Variants in DLC1 observed in about 807,000 individuals in gnomAD.
DLC1 encodes rho GTPase-activating protein 7.
DLC1 carries 54 observed loss-of-function variants against 140.3 expected under a neutral mutation model. The observed-to-expected ratio is 0.38, with a 90% CI of 0.31 to 0.48. The LOEUF (loss-of-function observed/expected upper bound fraction) is 0.48, where lower values mean the gene tolerates loss of function less well. Among genes scored for constraint, DLC1 ranks in the 20% least tolerant of loss-of-function variants. The pLI is 0.96. For missense variants in DLC1, 2,536 were observed against 1,907.0 expected, an observed-to-expected ratio of 1.33 and a Z score of -6.14; for synonymous variants, 986 against 728.1, an observed-to-expected ratio of 1.35 and a Z score of -5.70.
intron 2 of DLC1, among the ~76,000 whole-genome samples, chr8:13,403,877 T>G (rs1225951894): frequency 1.3e-5 from 2 of 148,534 alleles, no homozygotes; most frequent in African/African-American, 5.0e-5. Context: ...CAGGCTGGTC[T>G]CAAACTCCTG....
At chr8:13,515,254 A>G (rs1007326868), upstream of DLC1, among the ~76,000 whole-genome samples, 1 of 152,196 alleles carries the variant, frequency 6.6e-6, no homozygotes, top group Admixed American at 6.5e-5. Context: ...CCTTAATACC[A>G]TAATTCTTCT....
intron 4 of DLC1, among the ~76,000 whole-genome samples, chr8:13,321,748 T>C (rs1833134656): frequency 6.6e-6 from 1 of 152,092 alleles, no homozygotes; most frequent in South Asian, 2.1e-4. Context: ...TTTCTATCAT[T>C]TTGTAAAATG....
Position 13,499,697 on chromosome 8 carries a change from T to A in DLC1, c.375A>T (p.Lys125Asn). The part of the protein sequence containing the change: ...NNADLCLTDD[K>N]QVLNTQGQKT... Reference sequence around the variant, plus strand: ...TCTGCCCTTGGGTATTTAAAACCTGTTTATCATCTGTAAGGCATAAATCAG... The same window carrying A: ...TCTGCCCTTGGGTATTTAAAACCTGATTATCATCTGTAAGGCATAAATCAG... Residue 125 changes from lysine (K) to asparagine (N), a missense_variant, in exon 2 of 18, where the codon AAA becomes AAT. Transcript: ENST00000276297. The A allele has an allele frequency of 1.2e-6, 2 of 1,614,156 alleles. No homozygotes were observed. Among genetic ancestry groups the A allele is most frequent in the Non-Finnish European group, 1.7e-6 (2 of 1,180,012 alleles).
At chr8:13,191,501 A>G (rs563673478) in intron 5 of DLC1, among the ~76,000 whole-genome samples, 1 of 152,394 alleles carries the variant, frequency 6.6e-6, no homozygotes, top group African/African-American at 2.4e-5. Context: ...AAAAACAACA[A>G]CAACAACAAA....
At chr8:13,297,981 A>G (rs1237398903) in intron 5 of DLC1, among the ~76,000 whole-genome samples, 6 of 152,114 alleles carry the variant, frequency 3.9e-5, no homozygotes, top group Non-Finnish European at 8.8e-5. Flanking sequence ...GTTATTTAGT[A>G]TGTTTACAAG....
intron 3 of DLC1, among the ~76,000 whole-genome samples, chr8:13,396,305 C>T (rs918584337): frequency 2.0e-5 from 3 of 152,040 alleles, no homozygotes; most frequent in African/African-American, 4.8e-5. Flanking sequence ...GTGATCCGTC[C>T]GTCTCAGCCT....
At chr8:13,191,535 G>A (rs923455723) in intron 5 of DLC1, among the ~76,000 whole-genome samples, 1 of 152,200 alleles carries the variant, frequency 6.6e-6, no homozygotes, top group African/African-American at 2.4e-5. Flanking sequence ...GAACAGTAAG[G>A]AGGAGAAAGT....
In DLC1 at chr8:13,102,874, G is replaced by A. The variant is rs116544823; in HGVS notation, c.1503-21C>T. The A allele has an allele frequency of 9.1e-4, 1,458 of 1,609,450 alleles. 10 individuals carry two copies. The African/African-American group carries it at 0.014, about 16-fold the overall frequency. On this transcript the variant is annotated intron_variant, in intron 7 of 17. Transcript: ENST00000276297. ...GACGCCTATAGAGCAAAGAAATAAC[G>A]TTAGCAAAGATAGGCAACCACTCTC...
chr8:13,307,408 C>A (rs993320339), intron 4 of DLC1, among the ~76,000 whole-genome samples: 1 of 152,158 alleles, frequency 6.6e-6, no homozygotes, highest in Non-Finnish European at 1.5e-5. Flanking sequence ...TAGAGGAAAG[C>A]AATTTCCTTC....
At chr8:13,318,646 A>C (rs920806546) in intron 4 of DLC1, among the ~76,000 whole-genome samples, 4 of 152,266 alleles carry the variant, frequency 2.6e-5, no homozygotes, top group African/African-American at 9.6e-5. Context: ...GTAACAAACA[A>C]ACAAAACACC....
chr8:13,097,464 A>C (rs1031553648), intron 10 of DLC1, among the ~76,000 whole-genome samples: 3 of 151,972 alleles, frequency 2.0e-5, no homozygotes, highest in African/African-American at 7.3e-5. Context: ...GGGTTTCGCC[A>C]TGTTGGCCAG....
intron 4 of DLC1, among the ~76,000 whole-genome samples, chr8:13,348,115 A>AAACG (rs1341841290): frequency 6.6e-6 from 1 of 151,888 alleles, no homozygotes; most frequent in Non-Finnish European, 1.5e-5. Flanking sequence ...ACAAATAAAC[A>AAACG]AACAAACTTC....
At chr8:13,322,495 C>CGT (rs1833164686) in intron 4 of DLC1, among the ~76,000 whole-genome samples, 1 of 151,828 alleles carries the variant, frequency 6.6e-6, no homozygotes, top group Non-Finnish European at 1.5e-5. Flanking sequence ...GACATTATAA[C>CGT]ATAATTCAAC....
chr8:13,584,937 A>G lies in DLC1; in HGVS notation c.-126+19600T>C, dbSNP rs552979900. On this transcript the variant is annotated intron_variant, in intron 1 of 1. Coordinates refer to the DLC1 transcript ENST00000631382. The stretch of plus-strand genomic sequence containing the variant: ...TCTTAATAAATCTCTTACACCTCTA[A>G]TCCCATTTTAGCTTCTGCATTTTGG... Among the ~76,000 whole-genome samples the G allele has an allele frequency of 5.9e-5, 9 of 152,166 alleles. No individual in the cohort carries two copies. The East Asian group carries it at 1.5e-3, about 26-fold the overall frequency.
chr8:13,214,872 G>C (rs1319482671), intron 5 of DLC1: 2 of 709,024 alleles, frequency 2.8e-6, no homozygotes. Context: ...CTCATGACAG[G>C]GCTTTTGTAA....
intron 4 of DLC1, among the ~76,000 whole-genome samples, chr8:13,337,245 C>T (rs1343495878): frequency 6.6e-6 from 1 of 152,138 alleles, no homozygotes; most frequent in Non-Finnish European, 1.5e-5. Context: ...TTCCATAACA[C>T]ACATTAGATT....
intron 5 of DLC1, among the ~76,000 whole-genome samples, chr8:13,211,403 C>T (rs1016832210): frequency 6.6e-6 from 1 of 152,066 alleles, no homozygotes; most frequent in African/African-American, 2.4e-5. Flanking sequence ...TATGGAACAC[C>T]GTTTTGCTGT....
At chr8:13,132,833 G>C in intron 5 of DLC1, 4 of 1,332,764 alleles carry the variant, frequency 3.0e-6, no homozygotes, top group East Asian at 2.5e-5. Context: ...CGTTTAAAGA[G>C]CACAGAACAG....
Position 13,289,947 on chromosome 8 carries a change from A to G in DLC1, c.1348+15322T>C, listed in dbSNP as rs193233371. Reference sequence around the variant, plus strand: ...GCTAATGGCAAATATGTGCAACCATATGACACTTAGGGTATCTTTTAGTAT... The same window carrying G: ...GCTAATGGCAAATATGTGCAACCATGTGACACTTAGGGTATCTTTTAGTAT... On this transcript the variant is annotated intron_variant, in intron 5 of 17. Coordinates refer to ENST00000276297, the MANE Select transcript of DLC1 (RefSeq NM_182643.3). Among the ~76,000 whole-genome samples the G allele has an allele frequency of 2.8e-3, 421 of 152,302 alleles. 2 individuals are homozygous for G. Among genetic ancestry groups the G allele is most frequent in the African/African-American group, 9.8e-3 (406 of 41,568 alleles).
Sources: gnomAD v4.1 joint callset for allele counts (sites outside exome capture counted in the v4.1 genomes callset) on GRCh38, gnomAD v4.1.1 for gene constraint, MANE v1.5 for transcripts, NCBI Gene and HGNC (gene_info 2026-07-23, HGNC 2026-07-21) for gene names.